Variants in ATXN2 observed in about 807,000 individuals in gnomAD.
The protein encoded by ATXN2 is ataxin 2.
Under a neutral mutation model 138.6 loss-of-function variants are expected in ATXN2, and 37 were observed. The observed-to-expected ratio is 0.27, with a 90% CI of 0.21 to 0.35. The LOEUF is 0.35. ATXN2 is among the 10% of genes least tolerant of loss of function. The pLI is 1.00. For synonymous variants in ATXN2, 549 were observed against 543.7 expected (o/e 1.01, Z -0.13); for missense variants, 1,216 against 1,480.3 (o/e 0.82, Z 2.93).
At chr12:111,457,932 T>A (rs1006845912) in intron 21 of ATXN2, 3 of 152,260 alleles carry the variant, frequency 2.0e-5, no homozygotes, top group African/African-American at 7.2e-5. Context: ...ATGGAGGATC[T>A]CCCATCTTTG....
chr12:111,500,949 G>C (rs1299260548), intron 14 of ATXN2, among the ~76,000 whole-genome samples: 5 of 152,118 alleles, frequency 3.3e-5, no homozygotes, highest in African/African-American at 1.2e-4. Flanking sequence ...TGACAACAAA[G>C]CAGGGTGACT....
At chr12:111,595,722 T>C (rs908932074) in intron 1 of ATXN2, among the ~76,000 whole-genome samples, 1 of 151,128 alleles carries the variant, frequency 6.6e-6, no homozygotes, top group Middle Eastern at 3.5e-3. Flanking sequence ...CACAATCACC[T>C]CTACTACATA....
At chr12:111,454,747 T>C (rs541647894) in intron 23 of ATXN2, 2 of 368,818 alleles carry the variant, frequency 5.4e-6, no homozygotes, top group South Asian at 3.1e-5. Context: ...ATGGCAAATT[T>C]GAGCTTCCCT....
chr12:111,493,689 C>T (rs1326082902), intron 14 of ATXN2, among the ~76,000 whole-genome samples: 10 of 151,538 alleles, frequency 6.6e-5, no homozygotes, highest in East Asian at 5.9e-4. Context: ...ACGGCAGTGG[C>T]GCGATCTCGG....
At chr12:111,581,363 G>A (rs1883995081) in intron 1 of ATXN2, 1 of 606,102 alleles carries the variant, frequency 1.6e-6, no homozygotes, top group Non-Finnish European at 3.1e-6. Flanking sequence ...ACCACAGCTG[G>A]TCTTCCCTGG....
At chr12:111,563,478 G>C (rs1882814127) in intron 1 of ATXN2, among the ~76,000 whole-genome samples, 1 of 152,096 alleles carries the variant, frequency 6.6e-6, no homozygotes, top group South Asian at 2.1e-4. Context: ...TTTTGAAATA[G>C]AATGCCCTTG....
At chr12:111,599,331 G>T, upstream of ATXN2, 1 of 1,163,320 alleles carries the variant, frequency 8.6e-7, no homozygotes, top group South Asian at 4.2e-5. Flanking sequence ...GAGGGAGGGG[G>T]GCCGGGGCCG....
chr12:111,476,116 A>G (rs1343960152), intron 18 of ATXN2, among the ~76,000 whole-genome samples: 1 of 152,088 alleles, frequency 6.6e-6, no homozygotes. Flanking sequence ...CACACCCAGC[A>G]AATTTTTAAA....
At chr12:111,479,041 T>A (rs1877026204) in intron 18 of ATXN2, 2 of 368,712 alleles carry the variant, frequency 5.4e-6, no homozygotes, top group East Asian at 7.7e-5. Flanking sequence ...ATAAAATAAA[T>A]TTTTTAAAAA....
At chr12:111,459,095 T>G (rs2135654109) in intron 21 of ATXN2, among the ~76,000 whole-genome samples, 1 of 152,366 alleles carries the variant, frequency 6.6e-6, no homozygotes, top group East Asian at 1.9e-4. Flanking sequence ...TGGGAAAATT[T>G]TCCAGACTGT....
At chr12:111,569,373 T>C (rs1238596204) in intron 1 of ATXN2, among the ~76,000 whole-genome samples, 1 of 152,180 alleles carries the variant, frequency 6.6e-6, no homozygotes, top group Non-Finnish European at 1.5e-5. Flanking sequence ...TTATTAAGTG[T>C]TTAATAACTG....
At chr12:111,596,967 C>T (rs1884968392) in intron 1 of ATXN2, among the ~76,000 whole-genome samples, 1 of 152,138 alleles carries the variant, frequency 6.6e-6, no homozygotes, top group Non-Finnish European at 1.5e-5. Flanking sequence ...CAAATCTCTT[C>T]CTAATACCTA....
rs541366666 is a variant in ATXN2 at position 111,589,641 on chromosome 12, G to A, written c.251+9143C>T. On this transcript the variant is annotated intron_variant, in intron 1 of 24. Coordinates refer to ENST00000673436, the MANE Select transcript of ATXN2 (RefSeq NM_001372574.1). ...ACAAAAATTAGCCAGGTGTAGTGGC[G>A]CATGCCTATAATCCCAGCTACTCGG... Among the ~76,000 whole-genome samples the A allele has an allele frequency of 3.0e-3, 456 of 151,674 alleles. 3 individuals are homozygous for A. The highest frequency in any genetic ancestry group is 5.0e-3 in the Non-Finnish European group (338 of 67,834).
chr12:111,582,471 T>C (rs930808906), intron 1 of ATXN2, among the ~76,000 whole-genome samples: 1 of 149,870 alleles, frequency 6.7e-6, no homozygotes, highest in African/African-American at 2.4e-5. Context: ...CAGGGTGTGA[T>C]GTTGCATGTG....
intron 5 of ATXN2, among the ~76,000 whole-genome samples, chr12:111,531,482 A>ATTGTACACAATT (rs1243238841): frequency 6.6e-6 from 1 of 152,266 alleles, no homozygotes; most frequent in Non-Finnish European, 1.5e-5. Flanking sequence ...ATTGTACACA[A>ATTGTACACAATT]GAACACAGGC....
chr12:111,459,243 G>C (rs1372049870), intron 21 of ATXN2, among the ~76,000 whole-genome samples: 2 of 152,178 alleles, frequency 1.3e-5, no homozygotes, highest in Non-Finnish European at 2.9e-5. Flanking sequence ...GAGCTTCACA[G>C]TCCCATAAGT....
chr12:111,556,044 A>C (rs1882372192), intron 1 of ATXN2, 125 bp from the exon 2 acceptor site: 1 of 770,218 alleles, frequency 1.3e-6, no homozygotes, highest in South Asian at 2.0e-5. Context: ...AGCTCACCTA[A>C]TATTAAGTCT....
chr12:111,453,546 G>A lies in ATXN2; in HGVS notation c.3439+131C>T. The A allele has an allele frequency of 7.1e-7, 1 of 1,415,966 alleles. No individual in the cohort carries two copies. Among genetic ancestry groups the A allele is most frequent in the Non-Finnish European group, 9.2e-7 (1 of 1,086,418 alleles). The allele number at this position is 1,415,966 out of a possible 1,614,324, so 87.7% of individuals were successfully genotyped here. A position where few individuals can be genotyped will look rare whatever the true frequency, so the allele number is the denominator to read the frequency against. On this transcript the variant is annotated intron_variant, in intron 24 of 24. Coordinates refer to ENST00000673436, the MANE Select transcript of ATXN2 (RefSeq NM_001372574.1). The surrounding 1 kb of genome is among the most constrained non-coding windows in gnomAD (Gnocchi z 5.4). Reference sequence around the variant, plus strand: ...TGAACTGATCGTCACAGTCCCTCCTGTGCACACTCCTGGACGGGTCTTGCT... The same window carrying A: ...TGAACTGATCGTCACAGTCCCTCCTATGCACACTCCTGGACGGGTCTTGCT...
intron 1 of ATXN2, among the ~76,000 whole-genome samples, chr12:111,585,906 T>C (rs1054806473): frequency 6.6e-6 from 1 of 150,946 alleles, no homozygotes; most frequent in African/African-American, 2.4e-5. Flanking sequence ...TCCCAGGCTC[T>C]TTGCTTTGTT....
Sources: gnomAD v4.1 joint callset for allele counts (sites outside exome capture counted in the v4.1 genomes callset) on GRCh38, gnomAD v4.1.1 for gene constraint, Gnocchi (gnomAD v3.1) non-coding constraint, MANE v1.5 for transcripts, NCBI Gene and HGNC (gene_info 2026-07-23, HGNC 2026-07-21) for gene names.